LSM3: variants seen among roughly 807,000 people sequenced by gnomAD.
LSM3 encodes U6 snRNA-associated Sm-like protein LSm3.
Under a neutral mutation model 15.4 loss-of-function variants are expected in LSM3, and 14 were observed. The observed-to-expected ratio is 0.91, with a 90% CI of 0.60 to 1.42. The LOEUF (loss-of-function observed/expected upper bound fraction) is 1.42. Ranked by LOEUF, LSM3 falls within the 40% of genes most tolerant of loss-of-function variation. The probability of loss-of-function intolerance (pLI) is 0.00; values close to 1 mark genes in which losing one functional copy is unlikely to be tolerated. For missense variants in LSM3, 88 were observed against 127.9 expected, an observed-to-expected ratio of 0.69 and a Z score of 1.50; for synonymous variants, 46 against 45.1, an observed-to-expected ratio of 1.02 and a Z score of -0.08.
intron 2 of LSM3, 46 bp from the exon 3 acceptor site, chr3:14,183,891 G>T (rs1390349651): frequency 7.0e-7 from 1 of 1,419,626 alleles, no homozygotes; most frequent in Non-Finnish European, 9.6e-7. Context: ...TATCATTTTT[G>T]TAATTTGATT....
chr3:14,196,244 C>G (rs1228171459), intron 3 of LSM3, among the ~76,000 whole-genome samples: 2 of 152,102 alleles, frequency 1.3e-5, no homozygotes, highest in Non-Finnish European at 2.9e-5. Flanking sequence ...GTGTGAACCA[C>G]CGTGCCTGGC....
intron 2 of LSM3, among the ~76,000 whole-genome samples, chr3:14,182,161 G>T (rs1030485171): frequency 6.6e-6 from 1 of 152,096 alleles, no homozygotes; most frequent in African/African-American, 2.4e-5. Flanking sequence ...TCTCTGTGTT[G>T]CCAGCCTGGG....
intron 3 of LSM3, among the ~76,000 whole-genome samples, chr3:14,187,771 A>T: frequency 6.6e-6 from 1 of 152,204 alleles, no homozygotes; most frequent in Non-Finnish European, 1.5e-5. Context: ...AACTTACATA[A>T]TTGACTTCTA....
chr3:14,182,053 A>C (rs1373244041), intron 2 of LSM3, among the ~76,000 whole-genome samples: 3 of 152,198 alleles, frequency 2.0e-5, no homozygotes, highest in Admixed American at 2.0e-4. Flanking sequence ...GGTAATCACT[A>C]CTAAAAATGG....
intron 3 of LSM3, among the ~76,000 whole-genome samples, chr3:14,193,282 T>C (rs961348866): frequency 4.6e-5 from 7 of 152,216 alleles, no homozygotes; most frequent in African/African-American, 1.7e-4. Context: ...GAGGAGTATC[T>C]TTGTGGTGTT....
In LSM3 at chr3:14,199,073, C is replaced by G. The variant is rs1050771443; in HGVS notation, c.*957C>G. ...GAAGACAGAGCAAAGCATGATTTCT[C>G]TTTTCTCTGGCCTGATTTAATTCTA... On this transcript the variant is annotated 3_prime_UTR_variant, in exon 4 of 4. Coordinates refer to ENST00000306024, the MANE Select transcript of LSM3 (RefSeq NM_014463.3). 2.6e-5 allele frequency: 4 copies of G among 152,122 alleles called. No homozygotes were observed. Among genetic ancestry groups the G allele is most frequent in the Non-Finnish European group, 4.4e-5 (3 of 68,020 alleles). 9.4% of individuals were successfully genotyped at this position (152,122 alleles called of 1,614,324 possible). A position where few individuals can be genotyped will look rare whatever the true frequency, so the allele number is the denominator to read the frequency against.
intron 3 of LSM3, among the ~76,000 whole-genome samples, chr3:14,194,276 C>T (rs937013086): frequency 1.3e-5 from 2 of 152,140 alleles, no homozygotes; most frequent in Admixed American, 6.5e-5. Context: ...TAGCAGAGCT[C>T]GAACGCTGTG....
intron 1 of LSM3, among the ~76,000 whole-genome samples, chr3:14,180,349 C>G (rs887809810): frequency 6.6e-6 from 1 of 151,766 alleles, no homozygotes; most frequent in Admixed American, 6.6e-5. Context: ...AGTGCAGTGG[C>G]GTGATCTCAG....
In LSM3 at chr3:14,183,942, T is replaced by C. The variant is rs147901545; in HGVS notation, c.138T>C (p.Tyr46=). The C allele has an allele frequency of 2.8e-5, 45 of 1,602,102 alleles. No individual in the cohort carries two copies. The highest frequency in any genetic ancestry group is 3.4e-5 in the Non-Finnish European group (40 of 1,176,020). ...TCTGTACCCTCCCACTTTAGGCTTA[T>C]GATCAACATTTAAATATGATCTTGG... is the stretch of plus-strand genomic sequence containing the variant. ...DRELRGRLHA[Y]DQHLNMILGD... is the part of the protein sequence containing the mutation. The change falls in exon 3 of 4, where the codon TAT becomes TAC. Residue 46 remains tyrosine, a synonymous_variant. Transcript: ENST00000306024.
chr3:14,198,422 C>G lies in LSM3; in HGVS notation c.*306C>G. On this transcript the variant is annotated 3_prime_UTR_variant, in exon 4 of 4. Transcript: ENST00000306024. ...TTTTCTTTTCTTTAAATTGGTGTTTCCTTGTAGATTTTTTTAAGTGCGGTC... is the reference window on the plus strand; with the variant it reads ...TTTTCTTTTCTTTAAATTGGTGTTTGCTTGTAGATTTTTTTAAGTGCGGTC... 6.0e-6 allele frequency: 2 copies of G among 334,474 alleles called. No homozygotes were observed. The highest frequency in any genetic ancestry group is 1.1e-5 in the Non-Finnish European group (2 of 183,778). The allele number at this position is 334,474 out of a possible 1,614,324, so 20.7% of individuals were successfully genotyped here. A position where few individuals can be genotyped will look rare whatever the true frequency, so the allele number is the denominator to read the frequency against.
chr3:14,188,807 A>T (rs1411323306), intron 3 of LSM3, among the ~76,000 whole-genome samples: 3 of 151,560 alleles, frequency 2.0e-5, no homozygotes, highest in Non-Finnish European at 1.5e-5. Flanking sequence ...TTTTATCTTT[A>T]TCTTTTTTTT....
At chr3:14,188,786 G>A (rs954558160) in intron 3 of LSM3, among the ~76,000 whole-genome samples, 2 of 151,870 alleles carry the variant, frequency 1.3e-5, no homozygotes, top group African/African-American at 4.8e-5. Flanking sequence ...AACCTATTCT[G>A]CTGTAAATAA....
intron 3 of LSM3, among the ~76,000 whole-genome samples, chr3:14,196,634 G>C (rs1391595998): frequency 6.6e-6 from 1 of 152,194 alleles, no homozygotes; most frequent in African/African-American, 2.4e-5. Flanking sequence ...GGTAGCAGCA[G>C]AAATCCCTCA....
intron 3 of LSM3, among the ~76,000 whole-genome samples, chr3:14,192,640 C>T (rs1284349459): frequency 3.3e-5 from 5 of 152,176 alleles, no homozygotes; most frequent in Admixed American, 6.5e-5. Context: ...GTAAATATTC[C>T]TCCATCCCTT....
intron 3 of LSM3, among the ~76,000 whole-genome samples, chr3:14,187,966 C>G (rs569598128): frequency 6.6e-6 from 1 of 152,328 alleles, no homozygotes; most frequent in East Asian, 1.9e-4. Flanking sequence ...CCAAACACCT[C>G]GTAGTTTGGC....
chr3:14,197,303 C>T (rs1295644282), intron 3 of LSM3, among the ~76,000 whole-genome samples: 2 of 152,216 alleles, frequency 1.3e-5, no homozygotes, highest in African/African-American at 2.4e-5. Context: ...TTGGCTTTTC[C>T]AGCCTCTTCT....
At position 14,178,852 on chromosome 3, in the gene LSM3, G is replaced by A. The variant is rs1366134259; in HGVS notation, c.-9G>A. 4.3e-6 allele frequency: 7 copies of A among 1,614,234 alleles called. No individual in the cohort carries two copies. The highest frequency in any genetic ancestry group is 2.2e-5 in the East Asian group (1 of 44,884). ...CGCGAGAGGCGGGAAAGGGCGCAGG[G>A]TTTGAAACATGGCGGACGACGTAGA... is the stretch of plus-strand genomic sequence containing the variant. On this transcript the variant is annotated 5_prime_UTR_variant, in exon 1 of 4. Coordinates refer to ENST00000306024, the MANE Select transcript of LSM3 (RefSeq NM_014463.3).
At chr3:14,180,549 A>G (rs966055276) in intron 1 of LSM3, among the ~76,000 whole-genome samples, 2 of 152,166 alleles carry the variant, frequency 1.3e-5, no homozygotes, top group African/African-American at 4.8e-5. Context: ...TCAGCCGCCC[A>G]AAGTGCTGGG....
At chr3:14,187,193 T>C (rs1574988669) in intron 3 of LSM3, among the ~76,000 whole-genome samples, 1 of 152,344 alleles carries the variant, frequency 6.6e-6, no homozygotes, top group East Asian at 1.9e-4. Flanking sequence ...GAAGGTGCTA[T>C]GTGTCTGTGC....
Sources: allele counts gnomAD v4.1 joint callset (sites outside exome capture counted in the v4.1 genomes callset), GRCh38; gene constraint gnomAD v4.1.1; transcripts MANE v1.5; gene names NCBI Gene and HGNC (gene_info 2026-07-23, HGNC 2026-07-21).